ZNF469: variants seen among roughly 807,000 people sequenced by gnomAD.
ZNF469 encodes zinc finger protein 469.
Under a neutral mutation model 1.0 loss-of-function variants are expected in ZNF469, and 1 was observed. The observed-to-expected ratio is 1.00, with a 90% confidence interval of 0.35 to 4.73. ZNF469 has a LOEUF of 4.73. ZNF469 is among the 30% of genes most tolerant of loss of function. The probability of loss-of-function intolerance (pLI) is 0.16; values close to 1 mark genes in which losing one functional copy is unlikely to be tolerated. For synonymous variants in ZNF469, 2,703 were observed against 2,363.4 expected (o/e 1.14, Z -4.17); for missense variants, 6,100 against 5,356.3 (o/e 1.14, Z -4.33).
rs889668120 is a variant in ZNF469 at position 88,435,786 on chromosome 16, C to T, written c.8316C>T (p.Ser2772=). The change falls in exon 3 of 3, where the codon AGC becomes AGT. Residue 2772 remains serine (S), a synonymous_variant. Coordinates refer to ENST00000565624, the MANE Select transcript of ZNF469 (RefSeq NM_001367624.2). The part of the protein sequence containing the change: ...KALGVCKESG[S]EPAEDSSRAH... ...TGGGTGTGTGCAAAGAGTCTGGGAG[C>T]GAGCCTGCGGAGGACAGCAGCAGGG... 9 of 1,550,466 alleles carry T rather than the reference C, an allele frequency of 5.8e-6. No individual in the cohort carries two copies. The highest frequency in any genetic ancestry group is 2.0e-5 in the Admixed American group (1 of 50,988).
chr16:88,264,406 C>A, the ZNF469 span, among the ~76,000 whole-genome samples: 1 of 151,966 alleles, frequency 6.6e-6, no homozygotes, highest in Non-Finnish European at 1.5e-5. Flanking sequence ...GCCCTGTCTC[C>A]AAGCCTGGGG....
At chr16:88,224,619 A>G in the ZNF469 span, among the ~76,000 whole-genome samples, 5 of 152,222 alleles carry the variant, frequency 3.3e-5, no homozygotes, top group Non-Finnish European at 2.9e-5. Context: ...GACACGCAGC[A>G]GGAGGGCGTC....
the ZNF469 span, among the ~76,000 whole-genome samples, chr16:88,209,906 C>A: frequency 1.3e-5 from 2 of 152,194 alleles, no homozygotes; most frequent in African/African-American, 2.4e-5. Flanking sequence ...CATTTTCATA[C>A]TGTTGTAAGA....
At chr16:88,413,876 A>G (rs967192750) in intron 1 of ZNF469, among the ~76,000 whole-genome samples, 4 of 152,294 alleles carry the variant, frequency 2.6e-5, no homozygotes, top group Admixed American at 6.5e-5. Context: ...GTGTGGTGGC[A>G]GGTGCCATGG....
At chr16:88,219,316 T>C in the ZNF469 span, among the ~76,000 whole-genome samples, 1 of 144,882 alleles carries the variant, frequency 6.9e-6, no homozygotes, top group South Asian at 2.4e-4. Flanking sequence ...GCCAAGTCAA[T>C]CCTAAGCCAA....
chr16:88,284,804 G>T, the ZNF469 span, among the ~76,000 whole-genome samples: 1 of 152,252 alleles, frequency 6.6e-6, no homozygotes, highest in Non-Finnish European at 1.5e-5. Flanking sequence ...TTGGTGAGGA[G>T]TGAGACTCAG....
Position 88,438,488 on chromosome 16 carries a change from C to G in ZNF469, c.11018C>G (p.Pro3673Arg), listed in dbSNP as rs1906765251. 1.3e-6 allele frequency: 2 copies of G among 1,550,022 alleles called. No homozygotes were observed. Among genetic ancestry groups the G allele is most frequent in the South Asian group, 2.4e-5 (2 of 84,072 alleles). ...TTCCACAAGGGCAGCGCCACCAAGC[C>G]TGCGGGCTGCCAGAGCTCATCAAAG... ...GAFHKGSATK[P>R]AGCQSSSKDR... is the part of the protein sequence containing the mutation. The change falls in exon 3 of 3, where the codon CCT (proline) becomes CGT (arginine). Residue 3673 changes from proline to arginine, a missense_variant. Pro to Arg is a moderately radical substitution (Grantham distance 103). Transcript: ENST00000565624.
At chr16:88,262,018 G>A in the ZNF469 span, among the ~76,000 whole-genome samples, 1 of 152,282 alleles carries the variant, frequency 6.6e-6, no homozygotes, top group South Asian at 2.1e-4. This position sits in a 1 kb window ranked among gnomAD's most constrained non-coding sequence, Gnocchi z 4.3. Flanking sequence ...CAGGACGCCC[G>A]GCTCATCCCA....
the ZNF469 span, among the ~76,000 whole-genome samples, chr16:88,368,262 G>A: frequency 6.6e-6 from 1 of 152,336 alleles, no homozygotes; most frequent in East Asian, 1.9e-4. Flanking sequence ...GAACCCACGG[G>A]CAGATACTGA....
the ZNF469 span, among the ~76,000 whole-genome samples, chr16:88,366,644 T>C: frequency 6.6e-5 from 3 of 45,148 alleles, no homozygotes; most frequent in South Asian, 1.6e-3. Context: ...ATCACCATCA[T>C]CACCACCACC....
the ZNF469 span, among the ~76,000 whole-genome samples, chr16:88,318,080 G>A: frequency 7.0e-3 from 1,064 of 152,318 alleles, 13 homozygotes; most frequent in African/African-American, 0.024. Context: ...TCCCCATGAG[G>A]AGAGGGACCT....
chr16:88,245,873 G>A, the ZNF469 span, among the ~76,000 whole-genome samples: 3 of 152,396 alleles, frequency 2.0e-5, no homozygotes, highest in Admixed American at 1.3e-4. Context: ...GTGTCCCGGT[G>A]ACAAAGGCAG....
At chr16:88,332,282 C>T in the ZNF469 span, among the ~76,000 whole-genome samples, 1 of 152,250 alleles carries the variant, frequency 6.6e-6, no homozygotes, top group Non-Finnish European at 1.5e-5. Flanking sequence ...CGGGTTTCGG[C>T]ACAGCGTCCA....
chr16:88,169,370 T>C, the ZNF469 span, among the ~76,000 whole-genome samples: 1 of 152,186 alleles, frequency 6.6e-6, no homozygotes, highest in African/African-American at 2.4e-5. This position sits in a 1 kb window ranked among gnomAD's most constrained non-coding sequence, Gnocchi z 6.1. Context: ...CCAGACTCCC[T>C]TGTGCCCTGG....
At chr16:88,176,772 C>T in the ZNF469 span, among the ~76,000 whole-genome samples, 29 of 152,394 alleles carry the variant, frequency 1.9e-4, no homozygotes, top group Non-Finnish European at 2.5e-4. Flanking sequence ...CCCCAACGCC[C>T]AGCGCAGCTT....
intron 1 of ZNF469, among the ~76,000 whole-genome samples, chr16:88,394,099 A>G (rs1292968244): frequency 7.5e-6 from 1 of 133,778 alleles, no homozygotes; most frequent in African/African-American, 2.6e-5. Flanking sequence ...TGACACGACT[A>G]CACCTGCGCT....
the ZNF469 span, among the ~76,000 whole-genome samples, chr16:88,301,592 T>G: frequency 6.6e-6 from 1 of 152,250 alleles, no homozygotes; most frequent in Admixed American, 6.5e-5. Flanking sequence ...AGGCATCTCC[T>G]GAGCGTTTGG....
At chr16:88,128,685 G>A in the ZNF469 span, among the ~76,000 whole-genome samples, 1 of 152,222 alleles carries the variant, frequency 6.6e-6, no homozygotes, top group Admixed American at 6.5e-5. Flanking sequence ...TCCCCATGAC[G>A]CTTTGGTCAC....
chr16:88,129,301 G>A, the ZNF469 span, among the ~76,000 whole-genome samples: 4 of 152,178 alleles, frequency 2.6e-5, no homozygotes, highest in African/African-American at 7.2e-5. Flanking sequence ...GAGCCATCAC[G>A]GCAGCCTCTC....
Sources: allele counts gnomAD v4.1 joint callset (sites outside exome capture counted in the v4.1 genomes callset), GRCh38; gene constraint gnomAD v4.1.1; non-coding constraint Gnocchi (gnomAD v3.1); transcripts MANE v1.5; gene names NCBI Gene and HGNC (gene_info 2026-07-23, HGNC 2026-07-21).